The following DYNLT1 variants were observed in gnomAD, a reference collection of about 807,000 sequenced individuals.
DYNLT1 encodes the protein T-complex testis-specific protein 1 homolog.
Under a neutral mutation model 19.6 loss-of-function variants are expected in DYNLT1, and 18 were observed. The observed-to-expected ratio is 0.92, with a 90% CI of 0.64 to 1.36. The LOEUF is 1.36. DYNLT1 is among the 40% of genes most tolerant of loss of function. The pLI is 0.00. For synonymous variants in DYNLT1, 56 were observed against 44.0 expected (o/e 1.27, Z -1.07); for missense variants, 137 against 139.3 (o/e 0.98, Z 0.08).
At chr6:158,637,436 C>G in intron 3 of DYNLT1, 1 of 617,902 alleles carries the variant, frequency 1.6e-6, no homozygotes, top group East Asian at 2.8e-5. Context: ...ATGTAAGTTG[C>G]AAATGCACTT....
chr6:158,640,579 G>A (rs1787114283), intron 2 of DYNLT1, among the ~76,000 whole-genome samples: 2 of 152,050 alleles, frequency 1.3e-5, no homozygotes, highest in Admixed American at 6.6e-5. Flanking sequence ...CCCAGTCTCA[G>A]GGGGCCTTGT....
rs1804639 is a variant in DYNLT1 at position 158,636,705 on chromosome 6, C to A, written c.*122G>T. On this transcript the variant is annotated 3_prime_UTR_variant, in exon 5 of 5. Transcript: ENST00000367089. ...TCACAGTGCGGTCATTTGGTTTTTT[C>A]CTCTACATTGTGAAAGTGCCACAAA... 1 of 1,210,188 alleles carries A rather than the reference C, an allele frequency of 8.3e-7. No individual in the cohort carries two copies. The highest frequency in any genetic ancestry group is 1.2e-6 in the Non-Finnish European group (1 of 865,362). The allele number at this position is 1,210,188 out of a possible 1,614,324, so 75.0% of individuals were successfully genotyped here.
rs1237582486 is a variant in DYNLT1 at position 158,636,778 on chromosome 6, G to A, written c.*49C>T. The A allele has an allele frequency of 6.4e-7, 1 of 1,553,504 alleles. No homozygotes were observed. Among genetic ancestry groups the A allele is most frequent in the Non-Finnish European group, 8.8e-7 (1 of 1,139,808 alleles). On this transcript the variant is annotated 3_prime_UTR_variant, in exon 5 of 5. Transcript: ENST00000367089. The stretch of plus-strand genomic sequence containing the variant: ...TCACTGAATTCATGGCTGGTGGTTA[G>A]AGGATGAACTAGAGACAAAAGGAGA...
At chr6:158,644,524 C>G (rs1019191000) in intron 1 of DYNLT1, among the ~76,000 whole-genome samples, 158 bp downstream of exon 1, 2 of 152,184 alleles carry the variant, frequency 1.3e-5, no homozygotes, top group Non-Finnish European at 2.9e-5. Context: ...AGAATGGGGC[C>G]GGGCGGAGCG....
intron 3 of DYNLT1, chr6:158,637,475 AAAATTCTAAGTTGAG>A: frequency 1.6e-6 from 1 of 616,522 alleles, no homozygotes; most frequent in Non-Finnish European, 2.9e-6. Flanking sequence ...TCAAAGTTGA[AAAATTCTAAGTTGAG>A]CCACTGTCAG....
Position 158,637,842 on chromosome 6 carries a change from TG to T in DYNLT1, c.121del (p.Gln41SerfsTer6). ...GNAYQHSKVN[Q>X]WTTNVVEQTL... Reference sequence around the variant, plus strand: ...TTGTTCTACTACATTTGTGGTCCACTGGTTCACTTTGCTGTGTTGATAAGCG... The same window carrying T: ...TTGTTCTACTACATTTGTGGTCCACTGTTCACTTTGCTGTGTTGATAAGCG... On this transcript the variant is annotated frameshift_variant, in exon 3 of 5. Transcript: ENST00000367089. LOFTEE classifies it high-confidence loss of function. 2 of 1,610,654 alleles carry T rather than the reference TG, an allele frequency of 1.2e-6. No homozygotes were observed. The highest frequency in any genetic ancestry group is 2.7e-5 in the African/African-American group (2 of 75,058).
intron 1 of DYNLT1, 136 bp downstream of exon 1, chr6:158,644,546 G>C (rs1204836471): frequency 9.9e-7 from 1 of 1,014,976 alleles, no homozygotes; most frequent in Non-Finnish European, 1.4e-6. Flanking sequence ...CGGCGACCGG[G>C]AAGCTCAGGC....
intron 2 of DYNLT1, among the ~76,000 whole-genome samples, chr6:158,639,196 C>A (rs958361288): frequency 1.3e-5 from 2 of 152,146 alleles, no homozygotes; most frequent in African/African-American, 4.8e-5. Context: ...CTGATTTCTA[C>A]CCACTGACCT....
At chr6:158,637,364 T>G in intron 3 of DYNLT1, 159 bp from the exon 4 acceptor site, 1 of 659,884 alleles carries the variant, frequency 1.5e-6, no homozygotes, top group East Asian at 2.7e-5. Flanking sequence ...TATTGACAAA[T>G]TATAGGTGCT....
chr6:158,637,494 C>T, intron 3 of DYNLT1: 1 of 622,522 alleles, frequency 1.6e-6, no homozygotes, highest in Non-Finnish European at 2.9e-6. Context: ...AGTTGAGCCA[C>T]TGTCAGCTGG....
intron 2 of DYNLT1, 97 bp downstream of exon 2, chr6:158,641,222 G>T (rs1787127594): frequency 2.6e-6 from 3 of 1,150,564 alleles, no homozygotes; most frequent in Non-Finnish European, 3.7e-6. Flanking sequence ...AAAACACACA[G>T]ACTCAGTCGA....
chr6:158,639,740 G>T (rs1488938181), intron 2 of DYNLT1, among the ~76,000 whole-genome samples: 1 of 152,166 alleles, frequency 6.6e-6, no homozygotes. Context: ...GATTGCAGTG[G>T]CGTGATCTTG....
intron 1 of DYNLT1, 130 bp downstream of exon 1, chr6:158,644,552 C>G: frequency 9.0e-7 from 1 of 1,109,748 alleles, no homozygotes; most frequent in Non-Finnish European, 1.3e-6. Context: ...CCGGGAAGCT[C>G]AGGCCGTGGG....
In DYNLT1 at chr6:158,637,113, G is replaced by A. The variant is rs1787022533; in HGVS notation, c.271+15C>T. On this transcript the variant is annotated intron_variant, in intron 4 of 4. Coordinates refer to ENST00000367089, the MANE Select transcript of DYNLT1 (RefSeq NM_006519.4). ...TCACACAACAAAACTTCACAAACAT[G>A]AATGAAAATCATACCGTCAGTAGAG... is the stretch of plus-strand genomic sequence containing the variant. 1 of 1,614,008 alleles carries A rather than the reference G, an allele frequency of 6.2e-7. No individual in the cohort carries two copies. The highest frequency in any genetic ancestry group is 1.7e-5 in the Admixed American group (1 of 60,012).
intron 2 of DYNLT1, among the ~76,000 whole-genome samples, chr6:158,638,153 A>T (rs554427309): frequency 1.6e-4 from 25 of 151,944 alleles, no homozygotes; most frequent in Admixed American, 5.9e-4. Flanking sequence ...CTATTAATAC[A>T]TTTTTTTTCC....
At chr6:158,643,655 A>G (rs1027389275) in intron 1 of DYNLT1, among the ~76,000 whole-genome samples, 2 of 151,914 alleles carry the variant, frequency 1.3e-5, no homozygotes, top group Non-Finnish European at 2.9e-5. Context: ...CTAATTTTGT[A>G]TTTTTAAAAG....
chr6:158,637,296 C>G, intron 3 of DYNLT1, 91 bp from the exon 4 acceptor site: 1 of 1,159,856 alleles, frequency 8.6e-7, no homozygotes. Context: ...ATGTATGTAG[C>G]TCCACGTGGT....
intron 2 of DYNLT1, among the ~76,000 whole-genome samples, chr6:158,638,442 T>C (rs1158595364): frequency 6.6e-6 from 1 of 152,240 alleles, no homozygotes; most frequent in Non-Finnish European, 1.5e-5. Flanking sequence ...ATTTTTACTT[T>C]TCTGAGGCAG....
Position 158,641,373 on chromosome 6 carries a change from ACATT to A in DYNLT1, c.28-17_28-14del. The A allele has an allele frequency of 6.3e-7, 1 of 1,586,388 alleles. No homozygotes were observed. Among genetic ancestry groups the A allele is most frequent in the Non-Finnish European group, 8.5e-7 (1 of 1,169,672 alleles). On this transcript the variant is annotated splice_polypyrimidine_tract_variant and intron_variant, in intron 1 of 4. Transcript: ENST00000367089. ...CAACAAAAGCAGTCTGTAAGGAAGA[ACATT>A]CAGTTAAGTTTGATTTATTTAAAAG...
Sources: gnomAD v4.1 joint callset for allele counts (sites outside exome capture counted in the v4.1 genomes callset) on GRCh38, gnomAD v4.1.1 for gene constraint, MANE v1.5 for transcripts, NCBI Gene and HGNC (gene_info 2026-07-23, HGNC 2026-07-21) for gene names.